The following COL24A1 variants were observed in gnomAD, a reference collection of about 807,000 sequenced individuals.
COL24A1 encodes the protein collagen alpha-1(XXIV) chain.
In COL24A1, 224 loss-of-function variants were observed where a neutral mutation model predicts 253.9. That is an observed-to-expected ratio of 0.88 (90% CI 0.79 to 0.99). COL24A1 has a LOEUF of 0.99. Ranked by LOEUF, COL24A1 falls within the 50% of genes least tolerant of loss-of-function variation. The probability of loss-of-function intolerance (pLI) is 0.00; values close to 1 mark genes in which losing one functional copy is unlikely to be tolerated. For missense variants in COL24A1, 2,131 were observed against 2,068.5 expected, an observed-to-expected ratio of 1.03 and a Z score of -0.59; for synonymous variants, 685 against 673.7, an observed-to-expected ratio of 1.02 and a Z score of -0.26.
At chr1:85,827,059 G>A (rs1300672029) in intron 43 of COL24A1, among the ~76,000 whole-genome samples, 4 of 151,732 alleles carry the variant, frequency 2.6e-5, no homozygotes, top group African/African-American at 9.7e-5. Context: ...ATTGGCTGTG[G>A]GTTTGTCATA....
At chr1:86,008,806 T>C (rs664099) in intron 19 of COL24A1, among the ~76,000 whole-genome samples, 27,575 of 151,746 alleles carry the variant, frequency 0.18, 3,172 homozygotes, top group African/African-American at 0.32. Flanking sequence ...AGATATAAAA[T>C]TAACATTGAA....
At chr1:85,974,459 A>C (rs1692466704) in intron 20 of COL24A1, among the ~76,000 whole-genome samples, 1 of 152,160 alleles carries the variant, frequency 6.6e-6, no homozygotes, top group East Asian at 1.9e-4. Context: ...GAAAAGACAA[A>C]ATTGAATGGA....
At chr1:85,873,780 G>A (rs1288677567) in intron 35 of COL24A1, among the ~76,000 whole-genome samples, 1 of 151,452 alleles carries the variant, frequency 6.6e-6, no homozygotes, top group East Asian at 1.9e-4. Context: ...GTATACATAT[G>A]TAACAAACCT....
In COL24A1 at chr1:86,125,347, T is replaced by C. The variant is rs757000999; in HGVS notation, c.989A>G (p.His330Arg). ...GNVSAVDLTNHGIQAKEMITE... is the reference protein window; with the variant it reads ...GNVSAVDLTNRGIQAKEMITE... ...GATCATTTCTTTGGCCTGAATCCCA[T>C]GGTTTGTGAGATCCACAGCAGAGAC... The change falls in exon 3 of 60, where the codon CAT (histidine) becomes CGT (arginine). Residue 330 changes from histidine (H) to arginine (R), a missense_variant. His to Arg is a conservative substitution (Grantham distance 29). Coordinates refer to ENST00000370571, the MANE Select transcript of COL24A1 (RefSeq NM_152890.7). 32 of 1,613,568 alleles carry C rather than the reference T, an allele frequency of 2.0e-5. No individual in the cohort carries two copies. The highest frequency in any genetic ancestry group is 2.7e-5 in the African/African-American group (2 of 74,898).
At chr1:86,143,002 A>G (rs1651377123) in intron 2 of COL24A1, among the ~76,000 whole-genome samples, 1 of 152,214 alleles carries the variant, frequency 6.6e-6, no homozygotes, top group African/African-American at 2.4e-5. Flanking sequence ...AAGGCAAAAG[A>G]TGAAAATATT....
At chr1:86,020,011 A>G (rs1033251348) in intron 18 of COL24A1, among the ~76,000 whole-genome samples, 4 of 151,490 alleles carry the variant, frequency 2.6e-5, no homozygotes, top group Non-Finnish European at 4.4e-5. Flanking sequence ...TCACAGGACT[A>G]TAAGGAACCT....
rs191209207 is a variant in COL24A1, at chr1:86,028,970, A to T, written c.2049+2908T>A. Among the ~76,000 whole-genome samples the T allele has an allele frequency of 6.6e-5, 10 of 152,324 alleles. No homozygotes were observed. The East Asian group carries it at 9.6e-4, about 15-fold the overall frequency. ...AGACTAGATATCTTGGGCCATATTT[A>T]AAAAATTTGGTCTTAATCTTGACAG... On this transcript the variant is annotated intron_variant, in intron 14 of 59. Coordinates refer to ENST00000370571, the MANE Select transcript of COL24A1 (RefSeq NM_152890.7).
intron 7 of COL24A1, among the ~76,000 whole-genome samples, chr1:86,075,324 C>G (rs141249906): frequency 0.046 from 6,974 of 152,174 alleles, 328 homozygotes; most frequent in African/African-American, 0.12. Flanking sequence ...CACATACACC[C>G]TCCCAAGACT....
chr1:85,917,830 G>C (rs1343021416), intron 24 of COL24A1, among the ~76,000 whole-genome samples: 1 of 151,926 alleles, frequency 6.6e-6, no homozygotes, highest in African/African-American at 2.4e-5. Flanking sequence ...TCAGCCTCCT[G>C]AGCAGCTGGG....
intron 19 of COL24A1, among the ~76,000 whole-genome samples, chr1:85,989,262 T>G (rs1334602673): frequency 6.6e-6 from 1 of 152,112 alleles, no homozygotes; most frequent in Non-Finnish European, 1.5e-5. Flanking sequence ...AATGTCACCT[T>G]GAGGTAATCC....
intron 47 of COL24A1, among the ~76,000 whole-genome samples, chr1:85,816,576 C>G (rs1201057532): frequency 6.6e-6 from 1 of 152,146 alleles, no homozygotes; most frequent in Non-Finnish European, 1.5e-5. Context: ...ATTATTAACA[C>G]TATGAGTTAT....
rs766004437 is a variant in COL24A1, at chr1:86,063,710, C to G, written c.1752+5G>C. 6 of 1,544,058 alleles carry G rather than the reference C, an allele frequency of 3.9e-6. No individual in the cohort carries two copies. In the Admixed American group the frequency reaches 9.5e-5, roughly 24 times the overall value. On this transcript the variant is annotated splice_donor_5th_base_variant and intron_variant, in intron 8 of 59. Coordinates refer to ENST00000370571, the MANE Select transcript of COL24A1 (RefSeq NM_152890.7). ...TGATACAAGTCTTATAAAGGAAGTA[C>G]CTACTTGTTCACCTGGAAGTCCTGG...
chr1:86,002,842 CAA>C (rs1259611209), intron 19 of COL24A1, among the ~76,000 whole-genome samples: 1 of 152,000 alleles, frequency 6.6e-6, no homozygotes, highest in Non-Finnish European at 1.5e-5. Context: ...TACTCCACCA[CAA>C]AAAAAGGAAA....
chr1:85,829,870 T>G (rs930582122), intron 43 of COL24A1, among the ~76,000 whole-genome samples: 19 of 152,184 alleles, frequency 1.2e-4, no homozygotes, highest in African/African-American at 3.6e-4. Context: ...TGGTTTGAAT[T>G]TCCTCCCATA....
At chr1:86,000,484 A>C (rs1695290930) in intron 19 of COL24A1, among the ~76,000 whole-genome samples, 1 of 152,206 alleles carries the variant, frequency 6.6e-6, no homozygotes, top group Non-Finnish European at 1.5e-5. Context: ...AAAAACATGA[A>C]ATTTCTCATC....
chr1:85,830,793 C>T (rs184375962), intron 43 of COL24A1, among the ~76,000 whole-genome samples: 59 of 152,234 alleles, frequency 3.9e-4, no homozygotes, highest in African/African-American at 1.1e-3. Context: ...GCGCACAGTG[C>T]GTGCACCCAC....
Position 85,971,374 on chromosome 1 carries a change from C to T in COL24A1, c.2384G>A (p.Gly795Glu). The change falls in exon 21 of 60, where the codon GGA (glycine) becomes GAA (glutamate). Residue 795 changes from glycine (G) to glutamate (E), a missense_variant. Transcript: ENST00000370571. ...EGPKGLLGNRGPPGPPGLKGT... is the reference protein window; with the variant it reads ...EGPKGLLGNREPPGPPGLKGT... Reference sequence around the variant, plus strand: ...TTTGAGACCAGGAGGTCCAGGAGGTCCTCTATTTCCAAGGAGTCCCTATAA... The same window carrying T: ...TTTGAGACCAGGAGGTCCAGGAGGTTCTCTATTTCCAAGGAGTCCCTATAA... 2 of 1,612,332 alleles carry T rather than the reference C, an allele frequency of 1.2e-6. No homozygotes were observed. Among genetic ancestry groups the T allele is most frequent in the Non-Finnish European group, 1.7e-6 (2 of 1,179,182 alleles).
At chr1:86,043,210 A>G (rs931821789) in intron 12 of COL24A1, among the ~76,000 whole-genome samples, 1 of 152,188 alleles carries the variant, frequency 6.6e-6, no homozygotes, top group African/African-American at 2.4e-5. Context: ...GTAACTATTT[A>G]AAACTGAATC....
At chr1:86,131,904 A>G (rs1330393195) in intron 2 of COL24A1, among the ~76,000 whole-genome samples, 1 of 152,172 alleles carries the variant, frequency 6.6e-6, no homozygotes, top group Non-Finnish European at 1.5e-5. Flanking sequence ...ATCAAATGGC[A>G]TTTCTAGTTT....
Sources: allele counts gnomAD v4.1 joint callset (sites outside exome capture counted in the v4.1 genomes callset), GRCh38; gene constraint gnomAD v4.1.1; transcripts MANE v1.5; gene names NCBI Gene and HGNC (gene_info 2026-07-23, HGNC 2026-07-21).